Variants in CAST observed in about 807,000 individuals in gnomAD.
The protein encoded by CAST is calpastatin, also known as MIR583 host.
Under a neutral mutation model 119.6 loss-of-function variants are expected in CAST, and 76 were observed. The ratio of observed to expected loss-of-function variants is 0.64; its 90% CI spans 0.53 to 0.77. The LOEUF (loss-of-function observed/expected upper bound fraction) is 0.77, where lower values mean the gene tolerates loss of function less well. Among genes scored for constraint, CAST ranks in the 30% least tolerant of loss-of-function variants. The pLI is 0.00. For synonymous variants in CAST, 319 were observed against 331.6 expected (o/e 0.96, Z 0.41); for missense variants, 953 against 946.5 (o/e 1.01, Z -0.09).
chr5:96,425,845 G>A, the CAST span: 3 of 1,603,014 alleles, frequency 1.9e-6, no homozygotes, highest in Non-Finnish European at 1.7e-6. Context: ...ATTCCACATG[G>A]GATCATTGAA....
chr5:95,990,358 A>T, the CAST span, among the ~76,000 whole-genome samples: 398 of 152,244 alleles, frequency 2.6e-3, no homozygotes, highest in African/African-American at 8.5e-3. Context: ...TTGATGAGGA[A>T]GTTTCCTTAT....
At chr5:96,099,137 T>C in the CAST span, among the ~76,000 whole-genome samples, 6 of 152,164 alleles carry the variant, frequency 3.9e-5, no homozygotes, top group Non-Finnish European at 8.8e-5. Context: ...CTGTTGTTGG[T>C]GTATAGGAGT....
chr5:96,307,853 A>T, the CAST span, among the ~76,000 whole-genome samples: 2 of 152,152 alleles, frequency 1.3e-5, no homozygotes, highest in African/African-American at 4.8e-5. Context: ...TTTTGTGGGT[A>T]ACAAGACCTT....
chr5:96,568,229 A>G lies in CAST; in HGVS notation c.60+38349A>G, dbSNP rs529785046. Among the ~76,000 whole-genome samples the G allele has an allele frequency of 2.0e-5, 3 of 152,284 alleles. No homozygotes were observed. In the South Asian group the frequency reaches 6.2e-4, roughly 32 times the overall value. Reference sequence around the variant, plus strand: ...AAACCCCCTTGACTCTCAAACTGTCATACATTGTTGACAGATGTTCTTTCA... The same window carrying G: ...AAACCCCCTTGACTCTCAAACTGTCGTACATTGTTGACAGATGTTCTTTCA... On this transcript the variant is annotated intron_variant, in intron 1 of 11. Transcript: ENST00000505143.
the CAST span, among the ~76,000 whole-genome samples, chr5:96,423,127 T>G: frequency 6.6e-6 from 1 of 152,174 alleles, no homozygotes; most frequent in Non-Finnish European, 1.5e-5. Flanking sequence ...CTGAATTATT[T>G]CAATGCCCAC....
intron 1 of CAST, among the ~76,000 whole-genome samples, chr5:96,672,706 C>CA (rs11427288): frequency 0.12 from 6,791 of 58,328 alleles, 1,092 homozygotes; most frequent in African/African-American, 0.27. Context: ...GACTCAGTCT[C>CA]AAAAAAAAAA....
intron 25 of CAST, among the ~76,000 whole-genome samples, chr5:96,764,813 T>C (rs577515073): frequency 2.0e-5 from 3 of 152,330 alleles, no homozygotes; most frequent in African/African-American, 7.2e-5. Flanking sequence ...TTTGTTTTCA[T>C]ATCCAGTTTT....
the CAST span, among the ~76,000 whole-genome samples, chr5:96,516,124 T>C: frequency 1.3e-5 from 2 of 151,752 alleles, no homozygotes; most frequent in South Asian, 4.2e-4. Flanking sequence ...AAGAATTATC[T>C]ATGAAGAATA....
the CAST span, among the ~76,000 whole-genome samples, chr5:96,517,080 T>C: frequency 6.6e-6 from 1 of 152,200 alleles, no homozygotes; most frequent in African/African-American, 2.4e-5. Flanking sequence ...GTTGGATTTC[T>C]TAAAAGTAGA....
chr5:96,066,136 A>G, the CAST span, among the ~76,000 whole-genome samples: 2 of 152,330 alleles, frequency 1.3e-5, no homozygotes, highest in Admixed American at 6.5e-5. Context: ...AACTAGGTCT[A>G]TCATTAAAAG....
intron 3 of CAST, among the ~76,000 whole-genome samples, chr5:96,716,138 A>G (rs1036528520): frequency 1.3e-5 from 2 of 152,240 alleles, no homozygotes; most frequent in African/African-American, 4.8e-5. Flanking sequence ...ACAGAAAGAA[A>G]AATGGAAGCC....
the CAST span, among the ~76,000 whole-genome samples, chr5:96,424,052 C>A: frequency 1.3e-5 from 2 of 152,126 alleles, no homozygotes; most frequent in Non-Finnish European, 2.9e-5. Context: ...TTTTAAAATA[C>A]ATTTTCTGAT....
the CAST span, among the ~76,000 whole-genome samples, chr5:96,351,737 A>T: frequency 1.8e-4 from 28 of 152,204 alleles, no homozygotes; most frequent in Non-Finnish European, 3.8e-4. Context: ...TTGTCACTAG[A>T]AATTGGTGAA....
intron 1 of CAST, among the ~76,000 whole-genome samples, chr5:96,608,959 C>A (rs1747307483): frequency 6.6e-6 from 1 of 152,172 alleles, no homozygotes; most frequent in African/African-American, 2.4e-5. Context: ...CCAAGCCTCT[C>A]CTCCAACACC....
chr5:96,621,302 A>C (rs1187869983), intron 1 of CAST, among the ~76,000 whole-genome samples: 2 of 152,256 alleles, frequency 1.3e-5, no homozygotes, highest in Non-Finnish European at 2.9e-5. Context: ...CAAATATAAA[A>C]TCATAGCAAT....
the CAST span, among the ~76,000 whole-genome samples, chr5:96,418,922 C>T: frequency 6.6e-6 from 1 of 152,050 alleles, no homozygotes; most frequent in African/African-American, 2.4e-5. Flanking sequence ...GTTGATTTCT[C>T]ACTGAAAGAA....
At chr5:96,771,919 T>G (rs191616710) in intron 31 of CAST, 23 of 383,370 alleles carry the variant, frequency 6.0e-5, no homozygotes, top group African/African-American at 4.4e-4. Flanking sequence ...AACCTTAATC[T>G]TATAATTAAA....
the CAST span, among the ~76,000 whole-genome samples, chr5:96,296,657 G>C: frequency 6.6e-6 from 1 of 152,148 alleles, no homozygotes; most frequent in African/African-American, 2.4e-5. Flanking sequence ...GATAAACCAA[G>C]AATCTTGTGA....
the CAST span, among the ~76,000 whole-genome samples, chr5:96,415,405 G>A: frequency 6.6e-6 from 1 of 152,102 alleles, no homozygotes; most frequent in Non-Finnish European, 1.5e-5. Flanking sequence ...TTTGCTCCTT[G>A]AGGCTAAAGG....
Sources: gnomAD v4.1 joint callset for allele counts (sites outside exome capture counted in the v4.1 genomes callset) on GRCh38, gnomAD v4.1.1 for gene constraint, MANE v1.5 for transcripts, NCBI Gene and HGNC (gene_info 2026-07-23, HGNC 2026-07-21) for gene names.